NOTCH3: variants seen among roughly 807,000 people sequenced by gnomAD.
The protein encoded by NOTCH3 is neurogenic locus notch homolog protein 3.
In NOTCH3, 86 loss-of-function variants were observed where a neutral mutation model predicts 213.3. The observed-to-expected ratio is 0.40, with a 90% CI of 0.34 to 0.48. NOTCH3 has a LOEUF of 0.48. Among genes scored for constraint, NOTCH3 ranks in the 20% least tolerant of loss-of-function variants. NOTCH3 has a pLI of 0.57. For synonymous variants in NOTCH3, 1,354 were observed against 1,355.9 expected (o/e 1.00, Z 0.03); for missense variants, 2,783 against 3,272.6 (o/e 0.85, Z 3.65).
Position 15,165,275 on chromosome 19 carries a change from G to T in NOTCH3, c.5815+93C>A. 1 of 1,312,152 alleles carries T rather than the reference G, an allele frequency of 7.6e-7. No individual in the cohort carries two copies. The highest frequency in any genetic ancestry group is 1.1e-6 in the Non-Finnish European group (1 of 917,848). 81.3% of individuals were successfully genotyped at this position (1,312,152 alleles called of 1,614,324 possible). ...TATGTGTGCGTGAGCTTCAGTGATT[G>T]GGTCTCAACATGGGTATGAATTTGC... On this transcript the variant is annotated intron_variant, in intron 31 of 32. Transcript: ENST00000263388. This position sits in a 1 kb window ranked among gnomAD's most constrained non-coding sequence, Gnocchi z 4.7.
Position 15,161,232 on chromosome 19 carries a change from G to T in NOTCH3, c.6396C>A (p.Ala2132=). Residue 2132 remains alanine, a synonymous_variant, in exon 33 of 33, where the codon GCC becomes GCA. Transcript: ENST00000263388. ...CAAGCTGTGCCAGAGACACTGCAGT[G>T]GCAGTGGCAGCTGCATAGGGCCCCT... ...PLEGPYAAAT[A]TAVSLAQLGG... is the part of the protein sequence containing the mutation. 1 of 1,547,900 alleles carries T rather than the reference G, an allele frequency of 6.5e-7. No individual in the cohort carries two copies. Among genetic ancestry groups the T allele is most frequent in the Non-Finnish European group, 8.7e-7 (1 of 1,152,188 alleles).
At chr19:15,162,773 TTGTG>T (rs770008525) in intron 31 of NOTCH3, among the ~76,000 whole-genome samples, 6 of 5,250 alleles carry the variant, frequency 1.1e-3, no homozygotes, top group South Asian at 8.3e-3. Context: ...GTGTGTGTGT[TTGTG>T]TGTGTGTGTG....
At chr19:15,170,257 GAGTC>G in intron 27 of NOTCH3, 70 bp downstream of exon 27, 1 of 1,524,784 alleles carries the variant, frequency 6.6e-7, no homozygotes, top group Non-Finnish European at 9.1e-7. Flanking sequence ...TCAGAGGTCT[GAGTC>G]AGGTCAAGGC....
chr19:15,163,763 T>G (rs556369742), intron 31 of NOTCH3, among the ~76,000 whole-genome samples: 1 of 152,156 alleles, frequency 6.6e-6, no homozygotes, highest in East Asian at 1.9e-4. Context: ...CCTGGGAGTT[T>G]GAGGCTGCAG....
In NOTCH3 at chr19:15,192,465, T is replaced by C. The variant is rs2046937769; in HGVS notation, c.252A>G (p.Ser84=). Residue 84 remains serine (S), a synonymous_variant, in exon 3 of 33, where the codon TCA becomes TCG. Transcript: ENST00000263388. The part of the protein sequence containing the change: ...ERCQLEDPCH[S]GPCAGRGVCQ... ...AGACACCACGGCCAGCACAGGGGCC[T>C]GAGTGACAGGGGTCCTCCAGCTGAC... The C allele has an allele frequency of 6.2e-7, 1 of 1,610,654 alleles. No homozygotes were observed. Among genetic ancestry groups the C allele is most frequent in the Non-Finnish European group, 8.5e-7 (1 of 1,179,292 alleles).
chr19:15,189,312 C>G lies in NOTCH3; in HGVS notation c.1153G>C (p.Gly385Arg), dbSNP rs1568360640. The change falls in exon 7 of 33, where the codon GGT (glycine) becomes CGT (arginine). Residue 385 changes from glycine to arginine, a missense_variant. Physicochemically the swap from Gly to Arg is moderately radical, Grantham distance 125 (BLOSUM62 -2). This residue lies in a region of NOTCH3 where 708 missense variants were observed against 906.6 expected (regional missense o/e 0.78). Coordinates refer to ENST00000263388, the MANE Select transcript of NOTCH3 (RefSeq NM_000435.3). The part of the protein sequence containing the change: ...AICTCPPGFT[G>R]GACDQDVDEC... ...TCCACATCCTGGTCACATGCCCCAC[C>G]CGTGAAGCCGGGAGGACAGGTGCAA... 1 of 1,614,112 alleles carries G rather than the reference C, an allele frequency of 6.2e-7. No homozygotes were observed. The highest frequency in any genetic ancestry group is 2.2e-5 in the East Asian group (1 of 44,886).
chr19:15,193,333 G>A (rs369204638), intron 2 of NOTCH3, among the ~76,000 whole-genome samples: 1 of 151,806 alleles, frequency 6.6e-6, no homozygotes, highest in East Asian at 2.0e-4. Context: ...ACCTCCCGGG[G>A]TTCAAGCAAT....
In NOTCH3 at chr19:15,180,582, T is replaced by C. The variant is rs969533728; in HGVS notation, c.3142+99A>G. 3.2e-5 allele frequency: 44 copies of C among 1,389,344 alleles called. 1 individual carries two copies. The highest frequency in any genetic ancestry group is 4.1e-5 in the Non-Finnish European group (42 of 1,013,708). The allele number at this position is 1,389,344 out of a possible 1,614,324, so 86.1% of individuals were successfully genotyped here. The stretch of plus-strand genomic sequence containing the variant: ...CAGCCACACACCCCATCATGCCCCA[T>C]AGGCTCTGTGGCACCCCCATTCGGC... On this transcript the variant is annotated intron_variant, in intron 19 of 32. Transcript: ENST00000263388.
At chr19:15,173,025 C>A (rs2046747629) in intron 25 of NOTCH3, among the ~76,000 whole-genome samples, 1 of 14,314 alleles carries the variant, frequency 7.0e-5, no homozygotes, top group Non-Finnish European at 1.4e-4. Flanking sequence ...CTTCCTCTTC[C>A]TCCCCCTCCC....
rs2145414707 is a variant in NOTCH3 at position 15,177,683 on chromosome 19, G to A, written c.4245C>T (p.Gly1415=). The A allele has an allele frequency of 1.3e-6, 2 of 1,541,772 alleles. 1 individual carries two copies. Among genetic ancestry groups the A allele is most frequent in the South Asian group, 2.4e-5 (2 of 84,606 alleles). ...CNSPGCGWDG[G]DCSLSVGDPW... The stretch of plus-strand genomic sequence containing the variant: ...GGTCGCCCACGCTCAGCGAGCAGTC[G>A]CCGCCGTCCCAGCCGCAGCCTGGGC... Residue 1415 remains glycine, a synonymous_variant, in exon 24 of 33, where the codon GGC becomes GGT. Transcript: ENST00000263388.
At chr19:15,197,776 G>A (rs1417299353) in intron 1 of NOTCH3, among the ~76,000 whole-genome samples, 198 bp from the exon 2 acceptor site, 1 of 131,976 alleles carries the variant, frequency 7.6e-6, no homozygotes, top group Non-Finnish European at 1.5e-5. Flanking sequence ...TGAGGCTGCA[G>A]CTGTCCCTGC....
Position 15,166,954 on chromosome 19 carries a change from T to TG in NOTCH3, c.5362+294_5362+295insC, listed in dbSNP as rs3214209. ...CAATCAGAATGCATCCTGAGACTTT[T>TG]CTGGAGCATTAAGAAGGTTTTGTAA... On this transcript the variant is annotated intron_variant, in intron 29 of 32. Coordinates refer to ENST00000263388, the MANE Select transcript of NOTCH3 (RefSeq NM_000435.3). Among the ~76,000 whole-genome samples, 137,237 of 152,238 alleles carry TG rather than the reference T, an allele frequency of 0.9. 62,185 individuals carry two copies. Among genetic ancestry groups the TG allele is most frequent in the African/African-American group, 0.98 (40,552 of 41,558 alleles).
At chr19:15,197,734 G>GCCCCCCCCCC (rs5827279) in intron 1 of NOTCH3, among the ~76,000 whole-genome samples, 156 bp from the exon 2 acceptor site, 1 of 41,012 alleles carries the variant, frequency 2.4e-5, no homozygotes, top group Non-Finnish European at 5.8e-5. Flanking sequence ...CAGTTCCCAC[G>GCCCCCCCCCC]CCCCCCCCCC....
In NOTCH3 at chr19:15,187,273, G is replaced by C. The variant is rs75068032; in HGVS notation, c.1672C>G (p.Arg558Gly). 2.3e-5 allele frequency: 37 copies of C among 1,613,970 alleles called. No homozygotes were observed. Among genetic ancestry groups the C allele is most frequent in the Non-Finnish European group, 5.1e-6 (6 of 1,180,036 alleles). The change falls in exon 11 of 33, where the codon CGC becomes GGC. Residue 558 changes from arginine (R) to glycine (G), a missense_variant. This residue lies in a region of NOTCH3 where 708 missense variants were observed against 906.6 expected (regional missense o/e 0.78). Transcript: ENST00000263388. ...AAGCTGGCGATGCCATCCACGCAGCGACCATGGTGGCATGGGTCAGGGGAG... is the reference window on the plus strand; with the variant it reads ...AAGCTGGCGATGCCATCCACGCAGCCACCATGGTGGCATGGGTCAGGGGAG... ...DCSPDPCHHG[R>G]CVDGIASFSC...
chr19:15,173,991 T>C (rs940367352), intron 25 of NOTCH3, 77 bp downstream of exon 25: 2 of 1,278,296 alleles, frequency 1.6e-6, no homozygotes, highest in East Asian at 4.8e-5. Context: ...TTAAGTGAAA[T>C]GAAACACACA....
At position 15,170,714 on chromosome 19, in the gene NOTCH3, C is replaced by G; in HGVS notation, c.4848G>C (p.Ala1616=). 12 of 1,601,406 alleles carry G rather than the reference C, an allele frequency of 7.5e-6. No homozygotes were observed. Among genetic ancestry groups the G allele is most frequent in the South Asian group, 2.2e-5 (2 of 89,124 alleles). The stretch of plus-strand genomic sequence containing the variant: ...GGTACGGGAAGTCCAGGCGCTCCAC[C>G]GCTGACAACGCTCCCAGGTAGTCAG... ...SAADYLGALS[A]VERLDFPYPL... Residue 1616 remains alanine (A), a synonymous_variant, in exon 26 of 33, where the codon GCG becomes GCC. Coordinates refer to ENST00000263388, the MANE Select transcript of NOTCH3 (RefSeq NM_000435.3).
In NOTCH3 at chr19:15,165,520, G is replaced by T; in HGVS notation, c.5668-5C>A. On this transcript the variant is annotated splice_region_variant and splice_polypyrimidine_tract_variant and intron_variant, in intron 30 of 32. Transcript: ENST00000263388. The surrounding 1 kb of genome is among the most constrained non-coding windows in gnomAD (Gnocchi z 4.7). ...AGAGCGGTTTCGGATGAGAATCTAGGACAGAGAGTGGATGCAGCAGGAGGG... is the reference window on the plus strand; with the variant it reads ...AGAGCGGTTTCGGATGAGAATCTAGTACAGAGAGTGGATGCAGCAGGAGGG... The T allele has an allele frequency of 1.2e-6, 2 of 1,611,052 alleles. No individual in the cohort carries two copies.
At chr19:15,197,441 G>GCGCCCCCCCCC in intron 2 of NOTCH3, 59 bp downstream of exon 2, 11 of 768,360 alleles carry the variant, frequency 1.4e-5, no homozygotes, top group East Asian at 8.2e-5. Flanking sequence ...AAGACAAATC[G>GCGCCCCCCCCC]CCCCTCCCCC....
At position 15,177,947 on chromosome 19, in the gene NOTCH3, G is replaced by A. The variant is rs1202623402; in HGVS notation, c.3981C>T (p.Phe1327=). ...TGCTGGCCCCCGGCGGCGACCCCGG[G>A]AAGCTGCGGCAGGAGGGTCCCGACA... The part of the protein sequence containing the change: ...PGLSGPSCRS[F]PGSPPGASNA... Residue 1327 remains phenylalanine, a synonymous_variant, in exon 24 of 33, where the codon TTC becomes TTT. Transcript: ENST00000263388. 7.6e-6 allele frequency: 10 copies of A among 1,310,596 alleles called. No homozygotes were observed. The East Asian group carries it at 1.3e-4, about 17-fold the overall frequency. 81.2% of individuals were successfully genotyped at this position (1,310,596 alleles called of 1,614,324 possible). A position where few individuals can be genotyped will look rare whatever the true frequency, so the allele number is the denominator to read the frequency against.
Sources: allele counts gnomAD v4.1 joint callset (sites outside exome capture counted in the v4.1 genomes callset), GRCh38; gene constraint gnomAD v4.1.1; regional missense constraint gnomAD v4.1.1; non-coding constraint Gnocchi (gnomAD v3.1); transcripts MANE v1.5; gene names NCBI Gene and HGNC (gene_info 2026-07-23, HGNC 2026-07-21).